PCDHGA5: variants seen among roughly 807,000 people sequenced by gnomAD.
PCDHGA5 encodes protocadherin gamma subfamily A, 5.
A neutral mutation model predicts 56.7 loss-of-function variants in PCDHGA5; 36 were observed. That is an observed-to-expected ratio of 0.64 (90% confidence interval 0.49 to 0.84). The LOEUF is 0.84. PCDHGA5 is among the 40% of genes least tolerant of loss of function. The pLI is 0.00. For synonymous variants in PCDHGA5, 563 were observed against 520.2 expected, an observed-to-expected ratio of 1.08 and a Z score of -1.12; for missense variants, 1,305 against 1,201.5, an observed-to-expected ratio of 1.09 and a Z score of -1.27.
Position 141,486,880 on chromosome 5 carries a change from G to T in PCDHGA5, c.2422-7927G>T. On this transcript the variant is annotated intron_variant, in intron 1 of 3. Transcript: ENST00000518069. The surrounding 1 kb of genome is among the most constrained non-coding windows in gnomAD (Gnocchi z 5.0). The stretch of plus-strand genomic sequence containing the variant: ...ATGCTCCAGCTGTGCTCCGTCCTCG[G>T]GCCCGGCCTGGTTCCTTATGTCCCC... The T allele has an allele frequency of 6.2e-7, 1 of 1,614,212 alleles. No homozygotes were observed. Among genetic ancestry groups the T allele is most frequent in the East Asian group, 2.2e-5 (1 of 44,882 alleles).
chr5:141,424,699 G>A (rs185769714), intron 1 of PCDHGA5: 222 of 152,060 alleles, frequency 1.5e-3, no homozygotes, highest in African/African-American at 5.2e-3. Flanking sequence ...CTATTTTTTT[G>A]TTCATTTTCA....
rs201021035 is a variant in PCDHGA5 at position 141,398,584 on chromosome 5, A to G, written c.2421+31833A>G. 8.7e-5 allele frequency: 141 copies of G among 1,614,066 alleles called. 1 individual carries two copies. In the African/African-American group the frequency reaches 1.0e-3, roughly 12 times the overall value. ...GTCTGCACAGCCTGGCACAAGATTT[A>G]TACTAGAAGTAGCAGAAGATGCAGA... On this transcript the variant is annotated intron_variant, in intron 1 of 3. Transcript: ENST00000518069.
Position 141,491,869 on chromosome 5 carries a change from G to A in PCDHGA5, c.2422-2938G>A. On this transcript the variant is annotated intron_variant, in intron 1 of 3. Transcript: ENST00000518069. The surrounding 1 kb of genome is among the most constrained non-coding windows in gnomAD (Gnocchi z 6.9). ...GGACCGTTTGCGCGAAACCAGAGTG[G>A]CCGATTAAGGGATGGGGCTCCGAGC... The A allele has an allele frequency of 6.9e-7, 1 of 1,453,094 alleles. No individual in the cohort carries two copies. Among genetic ancestry groups the A allele is most frequent in the Non-Finnish European group, 9.1e-7 (1 of 1,099,380 alleles). 90.0% of individuals were successfully genotyped at this position (1,453,094 alleles called of 1,614,324 possible).
chr5:141,389,977 CAG>C (rs1303197054), intron 1 of PCDHGA5: 1 of 1,613,936 alleles, frequency 6.2e-7, no homozygotes, highest in Non-Finnish European at 8.5e-7. Flanking sequence ...GCCTTGATCT[CAG>C]TGCTCTTCCT....
At position 141,477,984 on chromosome 5, in the gene PCDHGA5, T is replaced by A; in HGVS notation, c.2422-16823T>A. On this transcript the variant is annotated intron_variant, in intron 1 of 3. Coordinates refer to ENST00000518069, the MANE Select transcript of PCDHGA5 (RefSeq NM_018918.3). This position sits in a 1 kb window ranked among gnomAD's most constrained non-coding sequence, Gnocchi z 4.9. ...AACCAGAGCCTTTTTGCCATAGGGC[T>A]GCACACTGGTCAAATCAGTACTGCC... 6.2e-7 allele frequency: 1 copy of A among 1,614,146 alleles called. No homozygotes were observed. The highest frequency in any genetic ancestry group is 8.5e-7 in the Non-Finnish European group (1 of 1,180,028).
At position 141,430,677 on chromosome 5, in the gene PCDHGA5, T is replaced by C. The variant is rs888907330; in HGVS notation, c.2421+63926T>C. On this transcript the variant is annotated intron_variant, in intron 1 of 3. Coordinates refer to ENST00000518069, the MANE Select transcript of PCDHGA5 (RefSeq NM_018918.3). ...AACGGAGGAGCTCTGACTTCCCAAC[T>C]GTCCCATTCTATGGGCGAAGGAACT... 1.2e-5 allele frequency: 15 copies of C among 1,303,020 alleles called. No individual in the cohort carries two copies. In the African/African-American group the frequency reaches 2.1e-4, roughly 18 times the overall value. The allele number at this position is 1,303,020 out of a possible 1,614,324, so 80.7% of individuals were successfully genotyped here. A position where few individuals can be genotyped will look rare whatever the true frequency, so the allele number is the denominator to read the frequency against.
chr5:141,388,469 A>G, intron 1 of PCDHGA5: 11 of 1,613,858 alleles, frequency 6.8e-6, no homozygotes, highest in Non-Finnish European at 8.5e-6. Context: ...CTGAGATGGT[A>G]TTGAAGACAC....
At chr5:141,427,120 TC>T (rs1212765591) in intron 1 of PCDHGA5, 1 of 457,342 alleles carries the variant, frequency 2.2e-6, no homozygotes, top group African/African-American at 2.0e-5. Context: ...ACCTACTCTT[TC>T]AAATCCCTAC....
intron 1 of PCDHGA5, among the ~76,000 whole-genome samples, chr5:141,438,833 T>C (rs989612425): frequency 6.6e-6 from 1 of 150,476 alleles, no homozygotes; most frequent in Non-Finnish European, 1.5e-5. Context: ...AGCTAATTTT[T>C]TAAAATATTT....
chr5:141,409,828 C>CG (rs2095322406), intron 1 of PCDHGA5: 1 of 1,611,010 alleles, frequency 6.2e-7, no homozygotes, highest in African/African-American at 1.3e-5. Flanking sequence ...CGCCCACGCT[C>CG]AGCGCCAACG....
chr5:141,472,998 G>GAA (rs2099311030), intron 1 of PCDHGA5, among the ~76,000 whole-genome samples: 1 of 134,744 alleles, frequency 7.4e-6, no homozygotes, highest in Non-Finnish European at 1.6e-5. Flanking sequence ...AAAAAAAAAA[G>GAA]AAAGAAAAAG....
intron 1 of PCDHGA5, among the ~76,000 whole-genome samples, chr5:141,472,422 C>T (rs1328468154): frequency 6.6e-6 from 1 of 152,008 alleles, no homozygotes; most frequent in East Asian, 1.9e-4. Flanking sequence ...GCACCTGTAT[C>T]CCAGCTACTA....
intron 1 of PCDHGA5, chr5:141,426,294 CAG>C (rs555591649): frequency 1.2e-4 from 20 of 167,070 alleles, no homozygotes; most frequent in African/African-American, 4.5e-4. Context: ...GGATGGGAAA[CAG>C]GGTGAAGCAG....
intron 1 of PCDHGA5, chr5:141,384,406 TC>T: frequency 6.2e-7 from 1 of 1,613,908 alleles, no homozygotes; most frequent in Non-Finnish European, 8.5e-7. Flanking sequence ...TCCAGTGTCC[TC>T]CTATGTCTCC....
intron 1 of PCDHGA5, chr5:141,427,083 C>T: frequency 2.2e-6 from 1 of 458,128 alleles, no homozygotes; most frequent in South Asian, 1.5e-5. Flanking sequence ...AGCCACTGAC[C>T]AGGATGAGGG....
chr5:141,477,630 T>G lies in PCDHGA5; in HGVS notation c.2422-17177T>G. The G allele has an allele frequency of 6.2e-7, 1 of 1,614,228 alleles. No homozygotes were observed. The highest frequency in any genetic ancestry group is 8.5e-7 in the Non-Finnish European group (1 of 1,180,042). ...TTGGAGCAAGGAGCTGAAACCGGGC[T>G]AGTGGGTCGCTATTTCACAATAAAT... On this transcript the variant is annotated intron_variant, in intron 1 of 3. Coordinates refer to ENST00000518069, the MANE Select transcript of PCDHGA5 (RefSeq NM_018918.3). The surrounding 1 kb of genome is among the most constrained non-coding windows in gnomAD (Gnocchi z 4.9).
At position 141,365,631 on chromosome 5, in the gene PCDHGA5, C is replaced by G. The variant is rs973353724; in HGVS notation, c.1301C>G (p.Thr434Arg). 6.2e-7 allele frequency: 1 copy of G among 1,613,644 alleles called. No individual in the cohort carries two copies. Among genetic ancestry groups the G allele is most frequent in the African/African-American group, 1.3e-5 (1 of 75,018 alleles). ...GACCATGGAACCCCGCCCCTCTCTA[C>G]AGAAAGCCACATCCCCTTGAAAGTA... is the stretch of plus-strand genomic sequence containing the variant. ...VMDHGTPPLS[T>R]ESHIPLKVAD... The change falls in exon 1 of 4, where the codon ACA becomes AGA. Residue 434 changes from threonine to arginine, a missense_variant. Transcript: ENST00000518069.
At chr5:141,418,646 A>C (rs986717136) in intron 1 of PCDHGA5, 2 of 1,614,010 alleles carry the variant, frequency 1.2e-6, no homozygotes, top group Admixed American at 3.3e-5. Context: ...CTCCATCCTG[A>C]GAGTGAAGGC....
At position 141,395,537 on chromosome 5, in the gene PCDHGA5, A is replaced by T. The variant is rs946783125; in HGVS notation, c.2421+28786A>T. 3.3e-5 allele frequency: 8 copies of T among 243,972 alleles called. No homozygotes were observed. In the African/African-American group the frequency reaches 3.8e-4, roughly 12 times the overall value. 15.1% of individuals were successfully genotyped at this position (243,972 alleles called of 1,614,324 possible). On this transcript the variant is annotated intron_variant, in intron 1 of 3. Transcript: ENST00000518069. ...ACCCGTCCATACTGGTAATTTTGCT[A>T]TTGTTTGTGTGTGTGTGTGTGTGTG...
Sources: gnomAD v4.1 joint callset for allele counts (sites outside exome capture counted in the v4.1 genomes callset) on GRCh38, gnomAD v4.1.1 for gene constraint, Gnocchi (gnomAD v3.1) non-coding constraint, MANE v1.5 for transcripts, NCBI Gene and HGNC (gene_info 2026-07-23, HGNC 2026-07-21) for gene names.